Variants in ESCO1 observed in about 807,000 individuals in gnomAD.
ESCO1 encodes the protein N-acetyltransferase ESCO1.
Under a neutral mutation model 83.5 loss-of-function variants are expected in ESCO1, and 33 were observed. The observed-to-expected ratio is 0.40, with a 90% confidence interval of 0.30 to 0.53. ESCO1 has a LOEUF of 0.53. Among genes scored for constraint, ESCO1 ranks in the 20% least tolerant of loss-of-function variants. The probability of loss-of-function intolerance (pLI) is 0.63; values close to 1 mark genes in which losing one functional copy is unlikely to be tolerated. For synonymous variants in ESCO1, 332 were observed against 324.3 expected (o/e 1.02, Z -0.25); for missense variants, 855 against 968.0 (o/e 0.88, Z 1.55).
chr18:21,578,531 T>G (rs1274666968), intron 2 of ESCO1, among the ~76,000 whole-genome samples: 1 of 151,994 alleles, frequency 6.6e-6, no homozygotes, highest in Non-Finnish European at 1.5e-5. Flanking sequence ...GAAATTTTCC[T>G]AGACCTGAAT....
chr18:21,544,927 C>G (rs2037953429), intron 8 of ESCO1, among the ~76,000 whole-genome samples: 2 of 152,162 alleles, frequency 1.3e-5, no homozygotes, highest in South Asian at 4.1e-4. Flanking sequence ...ACCCGAAGTG[C>G]AGTAAAGTAG....
At position 21,574,964 on chromosome 18, in the gene ESCO1, T is replaced by A; in HGVS notation, c.-121A>T. The A allele has an allele frequency of 1.4e-6, 1 of 701,522 alleles. No homozygotes were observed. Among genetic ancestry groups the A allele is most frequent in the Non-Finnish European group, 2.3e-6 (1 of 443,802 alleles). 43.5% of individuals were successfully genotyped at this position (701,522 alleles called of 1,614,324 possible). A position where few individuals can be genotyped will look rare whatever the true frequency, so the allele number is the denominator to read the frequency against. On this transcript the variant is annotated 5_prime_UTR_variant, in exon 4 of 12. Transcript: ENST00000269214. Reference sequence around the variant, plus strand: ...GCAGGTCTGAAAAATCAACTTTAACTGATGCTGATATACATTTTCAACAAA... The same window carrying A: ...GCAGGTCTGAAAAATCAACTTTAACAGATGCTGATATACATTTTCAACAAA...
At chr18:21,558,726 CAAAAAAAAAA>C (rs59435992) in intron 8 of ESCO1, among the ~76,000 whole-genome samples, 2 of 87,722 alleles carry the variant, frequency 2.3e-5, no homozygotes, top group African/African-American at 4.7e-5. Flanking sequence ...GACTCTGCCT[CAAAAAAAAAA>C]AAAAAAAAAA....
intron 7 of ESCO1, among the ~76,000 whole-genome samples, chr18:21,563,578 C>T (rs2038217859): frequency 6.6e-6 from 1 of 152,052 alleles, no homozygotes; most frequent in African/African-American, 2.4e-5. Flanking sequence ...AAACTCCCGA[C>T]CTCAGGTGAT....
chr18:21,568,677 C>A (rs964131556), intron 4 of ESCO1, among the ~76,000 whole-genome samples: 2 of 151,938 alleles, frequency 1.3e-5, no homozygotes, highest in Admixed American at 1.3e-4. Flanking sequence ...CCGAGACGGG[C>A]GGATCACTTG....
chr18:21,585,149 A>G (rs1245430292), intron 1 of ESCO1, among the ~76,000 whole-genome samples: 4 of 152,070 alleles, frequency 2.6e-5, no homozygotes, highest in Non-Finnish European at 5.9e-5. Flanking sequence ...TCAAAAAAAA[A>G]AAAAAAAAAC....
chr18:21,532,497 G>A lies in ESCO1; in HGVS notation c.2351C>T (p.Ala784Val). 1 of 1,612,894 alleles carries A rather than the reference G, an allele frequency of 6.2e-7. No homozygotes were observed. The stretch of plus-strand genomic sequence containing the variant: ...CCTTAGGCATTCAATCATGCGAGAA[G>A]CAATTTTCTTCCGACGCATCATGCT... ...VFSMMRRKKI[A>V]SRMIECLRSN... Residue 784 changes from alanine to valine, a missense_variant, in exon 11 of 12, where the codon GCT becomes GTT. Coordinates refer to ENST00000269214, the MANE Select transcript of ESCO1 (RefSeq NM_052911.3).
intron 2 of ESCO1, among the ~76,000 whole-genome samples, chr18:21,582,621 G>A (rs1233535199): frequency 6.6e-6 from 1 of 152,008 alleles, no homozygotes; most frequent in Non-Finnish European, 1.5e-5. Context: ...GCAAAACTGG[G>A]GAAAAATACT....
At chr18:21,568,507 AATG>A (rs771369864) in intron 4 of ESCO1, among the ~76,000 whole-genome samples, 7 of 152,194 alleles carry the variant, frequency 4.6e-5, no homozygotes, top group Non-Finnish European at 1.0e-4. Context: ...TCTAGACTAT[AATG>A]TCCAATATGG....
chr18:21,570,254 C>A (rs1014535941), intron 4 of ESCO1, among the ~76,000 whole-genome samples: 3 of 151,878 alleles, frequency 2.0e-5, no homozygotes. Context: ...CACATTACCA[C>A]TCCTAGCTAA....
At chr18:21,552,963 G>A (rs548191052) in intron 8 of ESCO1, among the ~76,000 whole-genome samples, 1 of 152,284 alleles carries the variant, frequency 6.6e-6, no homozygotes, top group South Asian at 2.1e-4. Flanking sequence ...TGATCAACTG[G>A]ACTTCATTAA....
intron 1 of ESCO1, among the ~76,000 whole-genome samples, chr18:21,600,000 C>T (rs1452035888): frequency 1.3e-5 from 2 of 152,218 alleles, no homozygotes; most frequent in Non-Finnish European, 2.9e-5. Flanking sequence ...CCTACCTGTG[C>T]CGAGACCCCC....
intron 11 of ESCO1, 147 bp from the exon 12 acceptor site, chr18:21,530,637 G>A (rs1306679728): frequency 6.9e-6 from 4 of 582,640 alleles, no homozygotes; most frequent in Non-Finnish European, 8.1e-6. Context: ...CAAAATTTTT[G>A]AAAATAATTA....
intron 2 of ESCO1, among the ~76,000 whole-genome samples, chr18:21,577,361 T>TC: frequency 1.9e-5 from 1 of 52,954 alleles, no homozygotes; most frequent in Non-Finnish European, 3.6e-5. Flanking sequence ...CCATCTTTTT[T>TC]AAAAAAAAAA....
chr18:21,550,728 A>C (rs2038034169), intron 8 of ESCO1, among the ~76,000 whole-genome samples: 1 of 152,242 alleles, frequency 6.6e-6, no homozygotes, highest in Non-Finnish European at 1.5e-5. Context: ...ATCACAATGT[A>C]CATCTCTGGG....
At chr18:21,588,918 A>G (rs2146229350) in intron 1 of ESCO1, among the ~76,000 whole-genome samples, 1 of 152,102 alleles carries the variant, frequency 6.6e-6, no homozygotes, top group African/African-American at 2.4e-5. Flanking sequence ...AATAGGATAC[A>G]GAGATGATTT....
intron 10 of ESCO1, among the ~76,000 whole-genome samples, chr18:21,535,683 AT>A (rs2146168490): frequency 6.6e-6 from 1 of 151,960 alleles, no homozygotes; most frequent in East Asian, 1.9e-4. Context: ...CACTCAGCTA[AT>A]TTTTGTATTT....
chr18:21,595,156 G>A (rs1202861512), intron 1 of ESCO1, among the ~76,000 whole-genome samples: 1 of 151,652 alleles, frequency 6.6e-6, no homozygotes, highest in East Asian at 1.9e-4. Context: ...CCTAGCCTAT[G>A]GTATATATTT....
chr18:21,574,420 GAA>G lies in ESCO1; in HGVS notation c.422_423del (p.Ile141ThrfsTer8). The G allele has an allele frequency of 6.2e-7, 1 of 1,614,048 alleles. No homozygotes were observed. Among genetic ancestry groups the G allele is most frequent in the African/African-American group, 1.3e-5 (1 of 75,000 alleles). On this transcript the variant is annotated frameshift_variant, in exon 4 of 12. Transcript: ENST00000269214. LOFTEE classifies it high-confidence loss of function. ...VSRRSLRSRE[I>X]QGQVQAVKQS... ...TGTTTAACTGCTTGAACTTGACCCT[GAA>G]TTTCTCTACTGCGTAACGACCTTCT...
Sources: allele counts gnomAD v4.1 joint callset (sites outside exome capture counted in the v4.1 genomes callset), GRCh38; gene constraint gnomAD v4.1.1; transcripts MANE v1.5; gene names NCBI Gene and HGNC (gene_info 2026-07-23, HGNC 2026-07-21).